Variants in P2RY6 observed in about 807,000 individuals in gnomAD.
The protein encoded by P2RY6 is P2Y purinoceptor 6.
A neutral mutation model predicts 16.3 loss-of-function variants in P2RY6; 19 were observed. That is an observed-to-expected ratio of 1.16 (90% CI 0.81 to 1.71). The LOEUF is 1.71. P2RY6 is among the 40% of genes most tolerant of loss of function. The probability of loss-of-function intolerance (pLI) is 0.00; values close to 1 mark genes in which losing one functional copy is unlikely to be tolerated. For synonymous variants in P2RY6, 184 were observed against 201.5 expected (o/e 0.91, Z 0.74); for missense variants, 389 against 455.5 (o/e 0.85, Z 1.33).
chr11:73,295,372 C>A (rs1165887026), intron 1 of P2RY6, among the ~76,000 whole-genome samples: 1 of 152,186 alleles, frequency 6.6e-6, no homozygotes, highest in East Asian at 1.9e-4. Flanking sequence ...AGTGGGGGAG[C>A]AACATTTAAA....
At chr11:73,290,959 G>A (rs1864219534) in intron 1 of P2RY6, among the ~76,000 whole-genome samples, 1 of 152,220 alleles carries the variant, frequency 6.6e-6, no homozygotes, top group African/African-American at 2.4e-5. Flanking sequence ...CCTAGACTCT[G>A]TTAGGAAGGC....
rs1277042472 is a variant in P2RY6, at chr11:73,280,484, A to G, written c.-121+8018A>G. ...CACAGACTCTGCCTTTTGCCTCTAC[A>G]TACACTTGACCATTTCACTGCCACC... On this transcript the variant is annotated intron_variant, in intron 1 of 2. Coordinates refer to ENST00000540124, the MANE Select transcript of P2RY6 (RefSeq NM_001277204.2). Among the ~76,000 whole-genome samples, 7 of 152,112 alleles carry G rather than the reference A, an allele frequency of 4.6e-5. No homozygotes were observed. The East Asian group carries it at 1.2e-3, about 25-fold the overall frequency.
At chr11:73,266,550 G>A (rs1050510759) in intron 1 of P2RY6, among the ~76,000 whole-genome samples, 3 of 151,998 alleles carry the variant, frequency 2.0e-5, no homozygotes, top group African/African-American at 7.3e-5. Flanking sequence ...AAGCAGAAGT[G>A]GACCAGGAGG....
At chr11:73,268,104 A>G (rs1863165390), upstream of P2RY6, among the ~76,000 whole-genome samples, 1 of 152,222 alleles carries the variant, frequency 6.6e-6, no homozygotes, top group African/African-American at 2.4e-5. Flanking sequence ...GTGCATATGT[A>G]TGTGTGAACC....
chr11:73,282,438 C>G (rs979177230), intron 1 of P2RY6, among the ~76,000 whole-genome samples: 3 of 152,176 alleles, frequency 2.0e-5, no homozygotes, highest in African/African-American at 7.2e-5. Context: ...CCTAATGACC[C>G]CACAGCCTTA....
At chr11:73,289,210 C>A (rs985396267) in intron 1 of P2RY6, among the ~76,000 whole-genome samples, 4 of 152,250 alleles carry the variant, frequency 2.6e-5, no homozygotes, top group Admixed American at 2.6e-4. Context: ...GTCGCTCCTG[C>A]TCTAGAACTG....
Position 73,297,887 on chromosome 11 carries a change from G to A in P2RY6, c.*382G>A. 4.2e-6 allele frequency: 1 copy of A among 238,822 alleles called. No homozygotes were observed. Among genetic ancestry groups the A allele is most frequent in the Non-Finnish European group, 8.8e-6 (1 of 113,536 alleles). The allele number at this position is 238,822 out of a possible 1,614,324, so 14.8% of individuals were successfully genotyped here. A position where few individuals can be genotyped will look rare whatever the true frequency, so the allele number is the denominator to read the frequency against. ...AGGGGGAGGTGAGAGCTTCTGGGAA[G>A]GGGCATTTGAGCTGGGTTTTGAGGG... On this transcript the variant is annotated 3_prime_UTR_variant, in exon 3 of 3. Transcript: ENST00000540124.
chr11:73,296,633 G>A lies in P2RY6; in HGVS notation c.115G>A (p.Ala39Thr), dbSNP rs1157330861. ...LPPVYSAVLA[A>T]GLPLNICVIT... The stretch of plus-strand genomic sequence containing the variant: ...ACCTGTGTATTCGGCGGTGCTGGCG[G>A]CTGGCCTGCCGCTGAACATCTGTGT... Residue 39 changes from alanine (A) to threonine (T), a missense_variant, in exon 3 of 3, where the codon GCT becomes ACT. Transcript: ENST00000540124. The A allele has an allele frequency of 6.2e-7, 1 of 1,614,204 alleles. No homozygotes were observed. The highest frequency in any genetic ancestry group is 1.7e-5 in the Admixed American group (1 of 60,036).
rs764197368 is a variant in P2RY6 at position 73,296,930 on chromosome 11, C to T, written c.412C>T (p.Arg138Cys). Residue 138 changes from arginine to cysteine, a missense_variant, in exon 3 of 3, where the codon CGT becomes TGT. Physicochemically the swap from Arg to Cys is radical, Grantham distance 180. Coordinates refer to ENST00000540124, the MANE Select transcript of P2RY6 (RefSeq NM_001277204.2). ...CCACCCGCTGGCCCCCTGGCACAAA[C>T]GTGGGGGCCGCCGGGCTGCCTGGCT... Reference protein sequence around the residue: ...ICHPLAPWHKRGGRRAAWLVC... With the variant: ...ICHPLAPWHKCGGRRAAWLVC... 34 of 1,607,320 alleles carry T rather than the reference C, an allele frequency of 2.1e-5. No individual in the cohort carries two copies. The highest frequency in any genetic ancestry group is 1.6e-4 in the East Asian group (7 of 44,888).
chr11:73,283,848 A>T lies in P2RY6; in HGVS notation c.-121+11382A>T, dbSNP rs190586384. On this transcript the variant is annotated intron_variant, in intron 1 of 2. Transcript: ENST00000540124. ...GGGTCAAGGAAGACATTTTGCTCAG[A>T]TGAGAGAGGGACTGGGGAGTGGGAA... Among the ~76,000 whole-genome samples the T allele has an allele frequency of 3.6e-3, 549 of 152,224 alleles. 8 individuals carry two copies. The highest frequency in any genetic ancestry group is 0.012 in the African/African-American group (517 of 41,528).
chr11:73,289,043 C>T (rs543638977), intron 1 of P2RY6, among the ~76,000 whole-genome samples: 1 of 152,360 alleles, frequency 6.6e-6, no homozygotes, highest in South Asian at 2.1e-4. Flanking sequence ...CTTCCAGCTC[C>T]TGCCTTTGGC....
chr11:73,284,011 A>G (rs775153610), intron 1 of P2RY6, among the ~76,000 whole-genome samples: 4 of 151,972 alleles, frequency 2.6e-5, no homozygotes, highest in Non-Finnish European at 5.9e-5. Context: ...GTTTATTTGG[A>G]CAGTGGGAAG....
intron 1 of P2RY6, among the ~76,000 whole-genome samples, chr11:73,275,233 G>A (rs1205125072): frequency 6.6e-6 from 1 of 152,184 alleles, no homozygotes; most frequent in Admixed American, 6.5e-5. Flanking sequence ...CTGAGACAGA[G>A]CCTGGCATCC....
chr11:73,294,066 C>T (rs1484221722), intron 1 of P2RY6, among the ~76,000 whole-genome samples: 3 of 151,784 alleles, frequency 2.0e-5, no homozygotes, highest in African/African-American at 7.3e-5. Flanking sequence ...TTGTCAGACC[C>T]TGTATGAGAG....
chr11:73,290,329 AAGAAAG>A (rs1452591775), intron 1 of P2RY6, among the ~76,000 whole-genome samples: 9 of 150,524 alleles, frequency 6.0e-5, no homozygotes, highest in East Asian at 5.9e-4. Context: ...GAAAGAAAGA[AAGAAAG>A]AAAGAAAGAA....
chr11:73,275,403 T>C (rs1281361698), intron 1 of P2RY6, among the ~76,000 whole-genome samples: 1 of 152,106 alleles, frequency 6.6e-6, no homozygotes, highest in Non-Finnish European at 1.5e-5. Flanking sequence ...AGTTCCTGAG[T>C]GTCCTATCCC....
intron 1 of P2RY6, among the ~76,000 whole-genome samples, chr11:73,290,710 G>A (rs552651540): frequency 6.6e-6 from 1 of 152,374 alleles, no homozygotes; most frequent in South Asian, 2.1e-4. Flanking sequence ...GCCCAGCAAT[G>A]GACATGCTTT....
chr11:73,282,975 A>G (rs1863824493), intron 1 of P2RY6, among the ~76,000 whole-genome samples: 1 of 152,212 alleles, frequency 6.6e-6, no homozygotes, highest in Admixed American at 6.5e-5. Context: ...CTTAAAATTA[A>G]GGACTCAGAG....
intron 1 of P2RY6, among the ~76,000 whole-genome samples, chr11:73,292,485 T>C (rs2135750281): frequency 6.6e-6 from 1 of 152,222 alleles, no homozygotes; most frequent in South Asian, 2.1e-4. Context: ...AGCCATGAGC[T>C]CTCTAATCAC....
Sources: gnomAD v4.1 joint callset for allele counts (sites outside exome capture counted in the v4.1 genomes callset) on GRCh38, gnomAD v4.1.1 for gene constraint, MANE v1.5 for transcripts, NCBI Gene and HGNC (gene_info 2026-07-23, HGNC 2026-07-21) for gene names.